The following KIAA1328 variants were observed in gnomAD, a reference collection of about 807,000 sequenced individuals.
KIAA1328 encodes the protein KIAA1328.
Under a neutral mutation model 68.1 loss-of-function variants are expected in KIAA1328, and 52 were observed. That is an observed-to-expected ratio of 0.76 (90% CI 0.61 to 0.96). The LOEUF is 0.96. Ranked by LOEUF, KIAA1328 falls within the 40% of genes least tolerant of loss-of-function variation. KIAA1328 has a pLI of 0.00. For synonymous variants in KIAA1328, 232 were observed against 239.4 expected, an observed-to-expected ratio of 0.97 and a Z score of 0.28; for missense variants, 641 against 677.6, an observed-to-expected ratio of 0.95 and a Z score of 0.60.
At chr18:36,987,913 A>T (rs1304578051) in intron 6 of KIAA1328, among the ~76,000 whole-genome samples, 2 of 152,096 alleles carry the variant, frequency 1.3e-5, no homozygotes, top group Non-Finnish European at 2.9e-5. Context: ...TGATCAGAGC[A>T]ATTGTCCAGC....
chr18:36,963,687 C>T (rs1241501419), intron 6 of KIAA1328, among the ~76,000 whole-genome samples: 1 of 152,154 alleles, frequency 6.6e-6, no homozygotes, highest in African/African-American at 2.4e-5. Flanking sequence ...CTTCCCACTT[C>T]CCACTTACCT....
chr18:36,842,460 C>T (rs903146573), intron 3 of KIAA1328, among the ~76,000 whole-genome samples: 15 of 151,942 alleles, frequency 9.9e-5, no homozygotes, highest in Non-Finnish European at 1.5e-5. Flanking sequence ...TGCCAGGTGG[C>T]GAAGGAGAAA....
intron 6 of KIAA1328, among the ~76,000 whole-genome samples, chr18:36,962,649 C>G (rs975453661): frequency 6.6e-6 from 1 of 152,202 alleles, no homozygotes; most frequent in Non-Finnish European, 1.5e-5. Flanking sequence ...CAAATTAGAA[C>G]TCAGGATTAA....
intron 7 of KIAA1328, among the ~76,000 whole-genome samples, chr18:37,117,205 G>A (rs1322786079): frequency 6.6e-6 from 1 of 152,178 alleles, no homozygotes; most frequent in Non-Finnish European, 1.5e-5. Flanking sequence ...TATGTTTACT[G>A]TGGCACTATT....
intron 6 of KIAA1328, among the ~76,000 whole-genome samples, chr18:36,997,130 A>G (rs1598927186): frequency 6.6e-6 from 1 of 152,158 alleles, no homozygotes; most frequent in East Asian, 1.9e-4. Flanking sequence ...AATTACTTTT[A>G]AAGGAAGACT....
rs191601367 is a variant in KIAA1328 at position 37,187,597 on chromosome 18, T to C, written c.1523+14516T>C. Among the ~76,000 whole-genome samples, 12 of 152,294 alleles carry C rather than the reference T, an allele frequency of 7.9e-5. No individual in the cohort carries two copies. The East Asian group carries it at 2.3e-3, about 29-fold the overall frequency. ...ATCCTGGATTAATGCTCATATTAAA[T>C]AGTAATATATAATAAAGAAGATAAG... is the stretch of plus-strand genomic sequence containing the variant. On this transcript the variant is annotated intron_variant, in intron 9 of 9. Transcript: ENST00000280020.
rs115516487 is a variant in KIAA1328, at chr18:37,020,040, C to T, written c.577-46850C>T. On this transcript the variant is annotated intron_variant, in intron 6 of 9. Coordinates refer to ENST00000280020, the MANE Select transcript of KIAA1328 (RefSeq NM_020776.3). ...CTGCCTCAGCACGGAGCAGAGGGCC[C>T]TTTTGCACGAAGATCTCTGCACAGG... 1.0e-3 allele frequency among the ~76,000 whole-genome samples: 155 copies of T among 152,098 alleles called. 2 individuals are homozygous for T. Among genetic ancestry groups the T allele is most frequent in the African/African-American group, 3.7e-3 (153 of 41,480 alleles).
intron 6 of KIAA1328, among the ~76,000 whole-genome samples, chr18:36,990,230 A>T (rs902522726): frequency 2.0e-5 from 3 of 152,204 alleles, no homozygotes; most frequent in Admixed American, 6.5e-5. Context: ...TTATTTTCTT[A>T]CTTAATAAAG....
chr18:37,203,036 T>C (rs1301415190), intron 9 of KIAA1328, among the ~76,000 whole-genome samples: 1 of 150,650 alleles, frequency 6.6e-6, no homozygotes, highest in African/African-American at 2.4e-5. Flanking sequence ...ACAAACAGAA[T>C]CTATTTCTCC....
intron 7 of KIAA1328, among the ~76,000 whole-genome samples, chr18:37,077,548 T>C (rs1409692402): frequency 1.3e-5 from 2 of 151,974 alleles, no homozygotes; most frequent in Non-Finnish European, 2.9e-5. Flanking sequence ...AAATTGTCCC[T>C]GTTTGCAGAT....
intron 7 of KIAA1328, among the ~76,000 whole-genome samples, chr18:37,109,194 T>C (rs958169920): frequency 1.3e-5 from 2 of 152,228 alleles, no homozygotes; most frequent in Non-Finnish European, 2.9e-5. Flanking sequence ...GACATTTGGA[T>C]TGGTTCCAAG....
chr18:36,963,226 TTTAA>T (rs1027464998), intron 6 of KIAA1328, among the ~76,000 whole-genome samples: 3 of 152,194 alleles, frequency 2.0e-5, no homozygotes, highest in African/African-American at 7.2e-5. Flanking sequence ...TCAGGCAGTT[TTTAA>T]GGTGGCTCTT....
At chr18:36,995,768 T>G (rs1391134254) in intron 6 of KIAA1328, among the ~76,000 whole-genome samples, 1 of 152,222 alleles carries the variant, frequency 6.6e-6, no homozygotes, top group East Asian at 1.9e-4. Context: ...AAACTCTAGA[T>G]AAATATGCCT....
intron 6 of KIAA1328, among the ~76,000 whole-genome samples, chr18:37,021,320 G>T (rs1253078569): frequency 1.3e-5 from 2 of 152,148 alleles, no homozygotes; most frequent in Non-Finnish European, 2.9e-5. Flanking sequence ...CAATAAATCA[G>T]CCTATTCTTT....
chr18:37,226,973 G>A (rs556428482), downstream of KIAA1328, among the ~76,000 whole-genome samples: 6 of 152,254 alleles, frequency 3.9e-5, no homozygotes, highest in East Asian at 1.2e-3. Context: ...CCCCATGTTG[G>A]TCAGGCTGGT....
chr18:36,896,481 C>T (rs1484506875), intron 5 of KIAA1328, among the ~76,000 whole-genome samples: 1 of 152,136 alleles, frequency 6.6e-6, no homozygotes, highest in East Asian at 1.9e-4. Flanking sequence ...AGTGACACTG[C>T]AGTTCAAATA....
chr18:36,870,113 C>T (rs1367605733), intron 4 of KIAA1328, among the ~76,000 whole-genome samples: 1 of 152,082 alleles, frequency 6.6e-6, no homozygotes, highest in South Asian at 2.1e-4. Flanking sequence ...CTGCCTGCCT[C>T]GGCCTCCCAA....
intron 7 of KIAA1328, among the ~76,000 whole-genome samples, chr18:37,087,741 C>G (rs769107554): frequency 5.3e-5 from 8 of 152,150 alleles, no homozygotes; most frequent in Non-Finnish European, 7.3e-5. Flanking sequence ...GGATAAATCT[C>G]TTGCAGGTGT....
At chr18:36,966,633 G>A (rs565746726) in intron 6 of KIAA1328, among the ~76,000 whole-genome samples, 7 of 152,278 alleles carry the variant, frequency 4.6e-5, no homozygotes, top group South Asian at 2.1e-4. Context: ...TGAGTTCAGC[G>A]AGGATACAGG....
Sources: gnomAD v4.1 joint callset for allele counts (sites outside exome capture counted in the v4.1 genomes callset) on GRCh38, gnomAD v4.1.1 for gene constraint, MANE v1.5 for transcripts, NCBI Gene and HGNC (gene_info 2026-07-23, HGNC 2026-07-21) for gene names.